Variants in HECW1 observed in about 807,000 individuals in gnomAD.
HECW1 encodes the protein E3 ubiquitin-protein ligase HECW1.
In HECW1, 61 loss-of-function variants were observed where a neutral mutation model predicts 182.3. That is an observed-to-expected ratio of 0.33 (90% CI 0.27 to 0.41). The LOEUF (loss-of-function observed/expected upper bound fraction) is 0.41, where lower values mean the gene tolerates loss of function less well. Ranked by LOEUF, HECW1 falls within the 10% of genes least tolerant of loss-of-function variation. HECW1 has a pLI of 1.00. For missense variants in HECW1, 1,739 were observed against 2,108.9 expected, an observed-to-expected ratio of 0.82 and a Z score of 3.44; for synonymous variants, 859 against 832.6, an observed-to-expected ratio of 1.03 and a Z score of -0.55.
intron 24 of HECW1, among the ~76,000 whole-genome samples, chr7:43,529,221 C>G (rs1263389055): frequency 6.6e-6 from 1 of 152,122 alleles, no homozygotes; most frequent in Non-Finnish European, 1.5e-5. Context: ...TTGCCAAGCT[C>G]GTTCTCACCT....
intron 2 of HECW1, among the ~76,000 whole-genome samples, chr7:43,230,458 A>G (rs1271487322): frequency 6.6e-6 from 1 of 152,174 alleles, no homozygotes; most frequent in Non-Finnish European, 1.5e-5. Flanking sequence ...ACTCAATATA[A>G]CACAAGATCT....
At chr7:43,252,941 A>G (rs775280891) in intron 3 of HECW1, among the ~76,000 whole-genome samples, 5 of 152,218 alleles carry the variant, frequency 3.3e-5, no homozygotes, top group Non-Finnish European at 7.3e-5. Flanking sequence ...CTGACACGGG[A>G]GTCCAGTGGC....
chr7:43,175,595 A>G (rs918678065), intron 2 of HECW1, among the ~76,000 whole-genome samples: 2 of 152,230 alleles, frequency 1.3e-5, no homozygotes, highest in Non-Finnish European at 2.9e-5. Context: ...AAGACTCTTT[A>G]TAAGCACCAC....
At chr7:43,225,577 A>G (rs1797350489) in intron 2 of HECW1, among the ~76,000 whole-genome samples, 2 of 152,222 alleles carry the variant, frequency 1.3e-5, no homozygotes, top group South Asian at 4.1e-4. Flanking sequence ...AGATTAAACC[A>G]GAAAACCCGA....
intron 3 of HECW1, among the ~76,000 whole-genome samples, chr7:43,301,679 C>T (rs1418602114): frequency 1.3e-5 from 2 of 152,104 alleles, no homozygotes; most frequent in African/African-American, 4.8e-5. Context: ...TCAAGACCAG[C>T]CTGGCCAACA....
chr7:43,204,408 T>C (rs1161107688), intron 2 of HECW1, among the ~76,000 whole-genome samples: 1 of 152,348 alleles, frequency 6.6e-6, no homozygotes, highest in Non-Finnish European at 1.5e-5. Context: ...TTTTGCAAGA[T>C]GGCAGTTAAA....
intron 3 of HECW1, among the ~76,000 whole-genome samples, chr7:43,263,475 C>T (rs1407799682): frequency 3.3e-5 from 5 of 152,264 alleles, no homozygotes; most frequent in African/African-American, 1.2e-4. Flanking sequence ...ATTCTCATGC[C>T]TCAGCCTCCC....
intron 2 of HECW1, among the ~76,000 whole-genome samples, chr7:43,183,963 A>T (rs1000023021): frequency 5.0e-5 from 7 of 140,172 alleles, no homozygotes; most frequent in East Asian, 2.0e-4. Flanking sequence ...TACACAATTT[A>T]AAAAAAAAAT....
chr7:43,505,556 C>T (rs1237648028), intron 21 of HECW1, among the ~76,000 whole-genome samples: 1 of 152,228 alleles, frequency 6.6e-6, no homozygotes, highest in African/African-American at 2.4e-5. Context: ...CTGCCCACCT[C>T]TCAGGCCTTG....
At chr7:43,268,169 CT>C (rs1178286364) in intron 3 of HECW1, among the ~76,000 whole-genome samples, 16 of 152,228 alleles carry the variant, frequency 1.1e-4, no homozygotes, top group African/African-American at 3.4e-4. Context: ...TGTGCAGAGT[CT>C]CTGCCCTCAG....
intron 17 of HECW1, among the ~76,000 whole-genome samples, chr7:43,488,391 GAAGGAAGGAAAT>G (rs1370677885): frequency 1.4e-4 from 8 of 55,828 alleles, no homozygotes; most frequent in African/African-American, 5.6e-4. Flanking sequence ...AGGAAGGAAG[GAAGGAAGGAAAT>G]GAAAGAAAGA....
chr7:43,488,452 G>GAAAGAA (rs1315554224), intron 17 of HECW1, among the ~76,000 whole-genome samples: 7 of 143,590 alleles, frequency 4.9e-5, no homozygotes, highest in Admixed American at 2.8e-4. Flanking sequence ...AAGAAAGAAA[G>GAAAGAA]AAAGAAAGAA....
intron 3 of HECW1, among the ~76,000 whole-genome samples, chr7:43,302,898 T>A (rs866915469): frequency 6.6e-6 from 1 of 152,082 alleles, no homozygotes; most frequent in Non-Finnish European, 1.5e-5. Context: ...ATTCATTCTG[T>A]CTCTGTGTCT....
At chr7:43,167,492 T>A (rs1052959459) in intron 2 of HECW1, among the ~76,000 whole-genome samples, 10 of 152,082 alleles carry the variant, frequency 6.6e-5, no homozygotes, top group Non-Finnish European at 1.0e-4. Context: ...CAACTCCAGA[T>A]GGAGGGAGGT....
At chr7:43,376,848 A>G (rs1332054372) in intron 6 of HECW1, among the ~76,000 whole-genome samples, 2 of 151,672 alleles carry the variant, frequency 1.3e-5, no homozygotes, top group Non-Finnish European at 2.9e-5. Context: ...CCTGGGTGAC[A>G]GAGCAAGGAC....
intron 2 of HECW1, among the ~76,000 whole-genome samples, chr7:43,135,669 G>C (rs1787446452): frequency 6.6e-6 from 1 of 152,026 alleles, no homozygotes; most frequent in African/African-American, 2.4e-5. Context: ...TTTTTCCTTT[G>C]ACCCATTCTT....
intron 3 of HECW1, among the ~76,000 whole-genome samples, chr7:43,259,266 A>T (rs1294010738): frequency 6.6e-6 from 1 of 152,116 alleles, no homozygotes; most frequent in Non-Finnish European, 1.5e-5. Flanking sequence ...GCATGCCTGT[A>T]GTCCCAGCTA....
chr7:43,232,021 C>CAA (rs34791514), intron 2 of HECW1, among the ~76,000 whole-genome samples: 18 of 71,278 alleles, frequency 2.5e-4, no homozygotes, highest in Non-Finnish European at 3.3e-4. Context: ...GACTCCATCT[C>CAA]AAAAAAAAAA....
intron 2 of HECW1, among the ~76,000 whole-genome samples, chr7:43,162,002 G>C (rs1049035602): frequency 4.6e-5 from 7 of 152,308 alleles, no homozygotes; most frequent in African/African-American, 1.7e-4. Context: ...CACTTGCTCT[G>C]TGATCACTCT....
Sources: allele counts gnomAD v4.1 joint callset (sites outside exome capture counted in the v4.1 genomes callset), GRCh38; gene constraint gnomAD v4.1.1; transcripts MANE v1.5; gene names NCBI Gene and HGNC (gene_info 2026-07-23, HGNC 2026-07-21).